The following CNTFR variants were observed in gnomAD, a reference collection of about 807,000 sequenced individuals.
CNTFR encodes the protein ciliary neurotrophic factor receptor subunit alpha.
In CNTFR, 12 loss-of-function variants were observed where a neutral mutation model predicts 40.4. That is an observed-to-expected ratio of 0.30 (90% confidence interval 0.19 to 0.48). CNTFR has a LOEUF of 0.48. Ranked by LOEUF, CNTFR falls within the 20% of genes least tolerant of loss-of-function variation. CNTFR has a pLI of 0.99. For missense variants in CNTFR, 414 were observed against 506.8 expected (o/e 0.82, Z 1.76); for synonymous variants, 202 against 209.6 (o/e 0.96, Z 0.31).
At chr9:34,585,068 C>A (rs544494374) in intron 1 of CNTFR, among the ~76,000 whole-genome samples, 20 of 152,304 alleles carry the variant, frequency 1.3e-4, no homozygotes, top group African/African-American at 4.6e-4. Context: ...CCCTGCCAGG[C>A]ACTGTACAGG....
At chr9:34,554,894 G>GC (rs1360380515) in intron 7 of CNTFR, among the ~76,000 whole-genome samples, 1 of 152,202 alleles carries the variant, frequency 6.6e-6, no homozygotes, top group East Asian at 1.9e-4. Context: ...ACAGAATGGG[G>GC]CTAGGATGCA....
At chr9:34,583,710 G>A (rs989031640) in intron 1 of CNTFR, among the ~76,000 whole-genome samples, 20 of 151,924 alleles carry the variant, frequency 1.3e-4, no homozygotes, top group African/African-American at 4.6e-4. Context: ...CCTGGTTCAC[G>A]CTTGCCCCCA....
At chr9:34,585,991 C>T (rs958593808) in intron 1 of CNTFR, among the ~76,000 whole-genome samples, 5 of 152,324 alleles carry the variant, frequency 3.3e-5, no homozygotes, top group South Asian at 4.1e-4. Flanking sequence ...GGCTGGAGAG[C>T]GTGTGTCCCC....
At chr9:34,569,331 C>T (rs962774655) in intron 2 of CNTFR, among the ~76,000 whole-genome samples, 3 of 151,892 alleles carry the variant, frequency 2.0e-5, no homozygotes, top group Non-Finnish European at 4.4e-5. Flanking sequence ...GTTTGCTGTT[C>T]GATAAGACTA....
At chr9:34,558,489 G>A (rs1186671912) in intron 4 of CNTFR, among the ~76,000 whole-genome samples, 6 of 152,240 alleles carry the variant, frequency 3.9e-5, no homozygotes, top group Non-Finnish European at 7.3e-5. Flanking sequence ...TGGCTACACA[G>A]GAACAGCACT....
chr9:34,554,422 C>T (rs1825755438), intron 7 of CNTFR, among the ~76,000 whole-genome samples: 1 of 152,180 alleles, frequency 6.6e-6, no homozygotes, highest in African/African-American at 2.4e-5. Flanking sequence ...TCAGTGCTCT[C>T]CTCGGGGCCA....
At chr9:34,590,394 G>T (rs534706669), upstream of CNTFR, among the ~76,000 whole-genome samples, 1 of 152,120 alleles carries the variant, frequency 6.6e-6, no homozygotes, top group Non-Finnish European at 1.5e-5. Context: ...AGAGGAACGC[G>T]AGCCAGAACC....
chr9:34,590,184 A>ACACC (rs1827721651), upstream of CNTFR: 1 of 152,348 alleles, frequency 6.6e-6, no homozygotes. Flanking sequence ...ACACACACAC[A>ACACC]CACCCACTCG....
intron 1 of CNTFR, among the ~76,000 whole-genome samples, chr9:34,584,737 G>A (rs1827469981): frequency 6.6e-6 from 1 of 152,134 alleles, no homozygotes. Flanking sequence ...AGGGAAAAAA[G>A]GACCTTACTT....
At chr9:34,580,485 G>A (rs895155893) in intron 2 of CNTFR, among the ~76,000 whole-genome samples, 2 of 152,286 alleles carry the variant, frequency 1.3e-5, no homozygotes, top group Middle Eastern at 6.8e-3. Flanking sequence ...CCCCAGCCGG[G>A]AAAATGGCCA....
intron 1 of CNTFR, among the ~76,000 whole-genome samples, chr9:34,588,319 G>A (rs1465977734): frequency 1.3e-5 from 2 of 152,144 alleles, no homozygotes; most frequent in Admixed American, 6.6e-5. Context: ...ATTCCCACAC[G>A]TGTAATGACA....
chr9:34,571,506 C>A (rs1826639637), intron 2 of CNTFR: 1 of 152,286 alleles, frequency 6.6e-6, no homozygotes, highest in Non-Finnish European at 1.5e-5. Flanking sequence ...ACTCCCAGCT[C>A]CTTCCTGGTC....
In CNTFR at chr9:34,557,490, G is replaced by A; in HGVS notation, c.604+36C>T. ...CACACATCCACTTACATTCCCACTG[G>A]AGTAGGCAGCAGGTCCCCCCAACCG... On this transcript the variant is annotated intron_variant, in intron 6 of 9. Coordinates refer to ENST00000378980, the MANE Select transcript of CNTFR (RefSeq NM_147164.3). This position sits in a 1 kb window ranked among gnomAD's most constrained non-coding sequence, Gnocchi z 4.2. 6.2e-7 allele frequency: 1 copy of A among 1,605,640 alleles called. No homozygotes were observed. The highest frequency in any genetic ancestry group is 8.5e-7 in the Non-Finnish European group (1 of 1,173,638).
rs1827682130 is a variant in CNTFR, at chr9:34,589,374, C to T, written c.-112+181G>A. ...CGGAGCGCCCGGACGTGGGGGGCCG[C>T]TCCTCCAGCGCCCCCGCCCCCGAGT... is the stretch of plus-strand genomic sequence containing the variant. On this transcript the variant is annotated intron_variant, in intron 1 of 9. Coordinates refer to ENST00000378980, the MANE Select transcript of CNTFR (RefSeq NM_147164.3). The surrounding 1 kb of genome is among the most constrained non-coding windows in gnomAD (Gnocchi z 4.4). 6.6e-6 allele frequency among the ~76,000 whole-genome samples: 1 copy of T among 152,118 alleles called. No homozygotes were observed. The highest frequency in any genetic ancestry group is 2.4e-5 in the African/African-American group (1 of 41,434).
chr9:34,556,049 C>A lies in CNTFR; in HGVS notation c.768+206G>T, dbSNP rs191003833. On this transcript the variant is annotated intron_variant, in intron 7 of 9. Transcript: ENST00000378980. ...CCACAGAAAGACATATGTGTTCCCG[C>A]TGCACTAACAGGGGTCACTGGGAAC... Among the ~76,000 whole-genome samples, 3 of 151,440 alleles carry A rather than the reference C, an allele frequency of 2.0e-5. No individual in the cohort carries two copies. The East Asian group carries it at 5.9e-4, about 30-fold the overall frequency.
At chr9:34,559,479 A>G (rs1465832367) in intron 4 of CNTFR, among the ~76,000 whole-genome samples, 1 of 152,160 alleles carries the variant, frequency 6.6e-6, no homozygotes, top group Non-Finnish European at 1.5e-5. Flanking sequence ...CACAGGGCCA[A>G]CCTGCATTCT....
chr9:34,567,145 G>T (rs972955981), intron 3 of CNTFR, among the ~76,000 whole-genome samples: 9 of 149,326 alleles, frequency 6.0e-5, no homozygotes, highest in African/African-American at 2.2e-4. Flanking sequence ...CTGATGTGCT[G>T]TCCATTTCAG....
At chr9:34,575,179 A>C (rs1826891675) in intron 2 of CNTFR, among the ~76,000 whole-genome samples, 1 of 152,124 alleles carries the variant, frequency 6.6e-6, no homozygotes, top group Non-Finnish European at 1.5e-5. Context: ...GGAGAGCTTC[A>C]CAGAACCTGA....
chr9:34,566,409 T>TG (rs1464361555), intron 3 of CNTFR, among the ~76,000 whole-genome samples: 3 of 152,240 alleles, frequency 2.0e-5, no homozygotes, highest in African/African-American at 7.2e-5. Flanking sequence ...GGGCGGTGGC[T>TG]GGGGGCCTTG....
Sources: gnomAD v4.1 joint callset for allele counts (sites outside exome capture counted in the v4.1 genomes callset) on GRCh38, gnomAD v4.1.1 for gene constraint, Gnocchi (gnomAD v3.1) non-coding constraint, MANE v1.5 for transcripts, NCBI Gene and HGNC (gene_info 2026-07-23, HGNC 2026-07-21) for gene names.